The following CSNK1E variants were observed in gnomAD, a reference collection of about 807,000 sequenced individuals.
CSNK1E encodes the protein casein kinase 1 epsilon.
Under a neutral mutation model 46.1 loss-of-function variants are expected in CSNK1E, and 17 were observed. That is an observed-to-expected ratio of 0.37 (90% CI 0.25 to 0.55). The LOEUF is 0.55. Among genes scored for constraint, CSNK1E ranks in the 20% least tolerant of loss-of-function variants. The probability of loss-of-function intolerance (pLI) is 0.82; values close to 1 mark genes in which losing one functional copy is unlikely to be tolerated. For missense variants in CSNK1E, 386 were observed against 595.4 expected (o/e 0.65, Z 3.66); for synonymous variants, 241 against 242.6 (o/e 0.99, Z 0.06).
rs760774783 is a variant in CSNK1E at position 38,294,379 on chromosome 22, G to A, written c.1041C>T (p.Pro347=). The change falls in exon 8 of 11, where the codon CCC becomes CCT. Residue 347 remains proline (P), a synonymous_variant. Transcript: ENST00000396832. The surrounding 1 kb of genome is among the most constrained non-coding windows in gnomAD (Gnocchi z 5.5). ...TANRLRSAAE[P]VASTPASRIQ... ...TGCGGGAGGCTGGCGTGGAAGCCAC[G>A]GGCTCGGCGGCACTGCGGAGCCGGT... 1.4e-5 allele frequency: 22 copies of A among 1,557,010 alleles called. No homozygotes were observed. The highest frequency in any genetic ancestry group is 1.7e-4 in the Middle Eastern group (1 of 5,732).
chr22:38,294,624 G>A lies in CSNK1E; in HGVS notation c.886-90C>T. On this transcript the variant is annotated intron_variant, in intron 7 of 10. Transcript: ENST00000396832. This position sits in a 1 kb window ranked among gnomAD's most constrained non-coding sequence, Gnocchi z 5.5. The stretch of plus-strand genomic sequence containing the variant: ...CCTGCAGGGCACAGAAGGGGAGGGA[G>A]GCCAGGTGGATATCTCAGAAACCTT... 1 of 1,270,026 alleles carries A rather than the reference G, an allele frequency of 7.9e-7. No homozygotes were observed. Among genetic ancestry groups the A allele is most frequent in the Non-Finnish European group, 1.1e-6 (1 of 933,844 alleles). The allele number at this position is 1,270,026 out of a possible 1,614,324, so 78.7% of individuals were successfully genotyped here.
intron 4 of CSNK1E, among the ~76,000 whole-genome samples, chr22:38,302,183 G>A (rs2145837805): frequency 6.6e-6 from 1 of 152,228 alleles, no homozygotes; most frequent in East Asian, 1.9e-4. Flanking sequence ...AGGTCTGTGT[G>A]ACCGACCGCA....
chr22:38,308,397 C>CAT (rs2092707434), intron 2 of CSNK1E, among the ~76,000 whole-genome samples: 1 of 152,102 alleles, frequency 6.6e-6, no homozygotes, highest in Admixed American at 6.5e-5. Flanking sequence ...GGCCATGCTC[C>CAT]ATTTCCCCAT....
At chr22:38,311,548 C>T (rs1408518614) in intron 2 of CSNK1E, among the ~76,000 whole-genome samples, 1 of 152,168 alleles carries the variant, frequency 6.6e-6, no homozygotes, top group Non-Finnish European at 1.5e-5. Context: ...AAGTCTGTGC[C>T]AAGAGCTGTC....
chr22:38,300,112 G>A lies in CSNK1E; in HGVS notation c.566-47C>T. The A allele has an allele frequency of 6.4e-7, 1 of 1,571,638 alleles. No homozygotes were observed. Among genetic ancestry groups the A allele is most frequent in the Non-Finnish European group, 8.7e-7 (1 of 1,149,752 alleles). On this transcript the variant is annotated intron_variant, in intron 5 of 10. Transcript: ENST00000396832. This position sits in a 1 kb window ranked among gnomAD's most constrained non-coding sequence, Gnocchi z 4.4. ...AGGTGAGGGACAGGGGTCCACTCAGGCCCCTAACTCATCCTCTGGGTCATG... is the reference window on the plus strand; with the variant it reads ...AGGTGAGGGACAGGGGTCCACTCAGACCCCTAACTCATCCTCTGGGTCATG...
rs775792943 is a variant in CSNK1E, at chr22:38,299,928, T to C, written c.703A>G (p.Thr235Ala). Residue 235 changes from threonine to alanine, a missense_variant, in exon 6 of 11, where the codon ACG becomes GCG. Physicochemically the swap from Thr to Ala is moderately conservative, Grantham distance 58. Transcript: ENST00000396832. Reference sequence around the variant, plus strand: ...CCTTTGCAGAGGACCTCGATGGGCGTTGACATCTTCTTCTCGCTGATCCGT... The same window carrying C: ...CCTTTGCAGAGGACCTCGATGGGCGCTGACATCTTCTTCTCGCTGATCCGT... ...YERISEKKMSTPIEVLCKGYP... is the reference protein window; with the variant it reads ...YERISEKKMSAPIEVLCKGYP... The C allele has an allele frequency of 7.4e-6, 12 of 1,614,016 alleles. No individual in the cohort carries two copies. The highest frequency in any genetic ancestry group is 3.3e-5 in the Admixed American group (2 of 59,998).
At chr22:38,297,237 T>C in intron 7 of CSNK1E, 2 of 724,176 alleles carry the variant, frequency 2.8e-6, no homozygotes, top group Non-Finnish European at 5.1e-6. Flanking sequence ...GGAGTGACTA[T>C]CTCGATAAGA....
chr22:38,299,009 C>T (rs1012866298), intron 6 of CSNK1E, 75 bp from the exon 7 acceptor site: 2 of 1,536,270 alleles, frequency 1.3e-6, no homozygotes, highest in Admixed American at 1.7e-5. Context: ...CCAGCACTGT[C>T]CTAGCCACCC....
rs766439460 is a variant in CSNK1E at position 38,298,979 on chromosome 22, C to A, written c.737-45G>T. The A allele has an allele frequency of 2.5e-6, 4 of 1,609,288 alleles. No individual in the cohort carries two copies. The highest frequency in any genetic ancestry group is 1.7e-4 in the Middle Eastern group (1 of 6,048). Reference sequence around the variant, plus strand: ...ATAGAGAAGGCCACTGTGAGGCCCACGCTCCCAGACCCCCTGCAGCCAGCA... The same window carrying A: ...ATAGAGAAGGCCACTGTGAGGCCCAAGCTCCCAGACCCCCTGCAGCCAGCA... On this transcript the variant is annotated intron_variant, in intron 6 of 10. Coordinates refer to ENST00000396832, the MANE Select transcript of CSNK1E (RefSeq NM_152221.3). This position sits in a 1 kb window ranked among gnomAD's most constrained non-coding sequence, Gnocchi z 4.2.
At chr22:38,299,649 G>T (rs2092660369) in intron 6 of CSNK1E, among the ~76,000 whole-genome samples, 1 of 152,236 alleles carries the variant, frequency 6.6e-6, no homozygotes, top group South Asian at 2.1e-4. Context: ...TCAGCCTCCT[G>T]AGTAGCTGGG....
rs1437706160 is a variant in CSNK1E, at chr22:38,299,951, C to T, written c.680G>A (p.Arg227Gln). The change falls in exon 6 of 11, where the codon CGG becomes CAG. Residue 227 changes from arginine to glutamine, a missense_variant. By Grantham distance (43) the Arg-to-Gln change is conservative (BLOSUM62 1). Transcript: ENST00000396832. Reference protein sequence around the residue: ...KAATKRQKYERISEKKMSTPI... With the variant: ...KAATKRQKYEQISEKKMSTPI... Reference sequence around the variant, plus strand: ...CGTTGACATCTTCTTCTCGCTGATCCGTTCATACTTCTGGCGCTTGGTGGC... The same window carrying T: ...CGTTGACATCTTCTTCTCGCTGATCTGTTCATACTTCTGGCGCTTGGTGGC... 5 of 1,614,206 alleles carry T rather than the reference C, an allele frequency of 3.1e-6. No homozygotes were observed. The highest frequency in any genetic ancestry group is 2.5e-6 in the Non-Finnish European group (3 of 1,180,030).
At chr22:38,310,049 C>A (rs2092714268) in intron 2 of CSNK1E, among the ~76,000 whole-genome samples, 1 of 152,204 alleles carries the variant, frequency 6.6e-6, no homozygotes, top group Non-Finnish European at 1.5e-5. Flanking sequence ...TAAGGTCTGA[C>A]AGAACTGGAT....
intron 7 of CSNK1E, among the ~76,000 whole-genome samples, chr22:38,295,812 C>G (rs1602541891): frequency 6.6e-6 from 1 of 152,320 alleles, no homozygotes; most frequent in East Asian, 1.9e-4. Flanking sequence ...AGAAGCCTCT[C>G]AGGCAGGCCT....
In CSNK1E at chr22:38,294,146, G is replaced by C; in HGVS notation, c.1181C>G (p.Thr394Ser). 2 of 1,611,678 alleles carry C rather than the reference G, an allele frequency of 1.2e-6. No homozygotes were observed. The highest frequency in any genetic ancestry group is 1.7e-6 in the Non-Finnish European group (2 of 1,179,650). The change falls in exon 9 of 11, where the codon ACT becomes AGT. Residue 394 changes from threonine (T) to serine (S), a missense_variant. Physicochemically the swap from Thr to Ser is moderately conservative, Grantham distance 58. Coordinates refer to ENST00000396832, the MANE Select transcript of CSNK1E (RefSeq NM_152221.3). The surrounding 1 kb of genome is among the most constrained non-coding windows in gnomAD (Gnocchi z 5.5). ...APANVSSSDL[T>S]GRQEVSRIPA... ...GATCCGGGAGACCTCTTGCCGCCCAGTGAGGTCTGAGGAGGAGACGTTGGC... is the reference window on the plus strand; with the variant it reads ...GATCCGGGAGACCTCTTGCCGCCCACTGAGGTCTGAGGAGGAGACGTTGGC...
At position 38,300,197 on chromosome 22, in the gene CSNK1E, T is replaced by C; in HGVS notation, c.566-132A>G. The C allele has an allele frequency of 1.3e-6, 1 of 766,198 alleles. No homozygotes were observed. Among genetic ancestry groups the C allele is most frequent in the East Asian group, 2.7e-5 (1 of 36,826 alleles). The allele number at this position is 766,198 out of a possible 1,614,324, so 47.5% of individuals were successfully genotyped here. On this transcript the variant is annotated intron_variant, in intron 5 of 10. Transcript: ENST00000396832. This position sits in a 1 kb window ranked among gnomAD's most constrained non-coding sequence, Gnocchi z 4.4. ...CGTCGGATGTTGCTCACTGCACGCA[T>C]TTTAAACAGGCACTGCTATTATCCT...
chr22:38,313,912 G>C (rs2036013839), intron 2 of CSNK1E, among the ~76,000 whole-genome samples, 170 bp downstream of exon 2: 1 of 152,144 alleles, frequency 6.6e-6, no homozygotes, highest in South Asian at 2.1e-4. Flanking sequence ...GGAGCCCCCT[G>C]GCCTGCCTCC....
chr22:38,306,338 T>C (rs1037802521), intron 2 of CSNK1E, among the ~76,000 whole-genome samples: 1 of 152,238 alleles, frequency 6.6e-6, no homozygotes, highest in African/African-American at 2.4e-5. Flanking sequence ...AACACCTTTA[T>C]TGAGATGTAA....
intron 4 of CSNK1E, 50 bp from the exon 5 acceptor site, chr22:38,301,002 C>T: frequency 6.6e-7 from 1 of 1,523,402 alleles, no homozygotes. Context: ...TTGCCTAGCA[C>T]TCTGGGCCAG....
In CSNK1E at chr22:38,300,854, G is replaced by A. The variant is rs768960580; in HGVS notation, c.435C>T (p.Val145=). 3.7e-6 allele frequency: 6 copies of A among 1,614,138 alleles called. No individual in the cohort carries two copies. In the African/African-American group the frequency reaches 8.0e-5, roughly 22 times the overall value. The change falls in exon 5 of 11, where the codon GTC becomes GTT. Residue 145 remains valine, a synonymous_variant. Coordinates refer to ENST00000396832, the MANE Select transcript of CSNK1E (RefSeq NM_152221.3). This position sits in a 1 kb window ranked among gnomAD's most constrained non-coding sequence, Gnocchi z 4.4. The part of the protein sequence containing the change: ...LMGLGKKGNL[V]YIIDFGLAKK... The stretch of plus-strand genomic sequence containing the variant: ...TGGCCAGGCCGAAGTCGATGATGTA[G>A]ACCAGGTTGCCCTTCTTCCCCAGCC...
Sources: gnomAD v4.1 joint callset for allele counts (sites outside exome capture counted in the v4.1 genomes callset) on GRCh38, gnomAD v4.1.1 for gene constraint, Gnocchi (gnomAD v3.1) non-coding constraint, MANE v1.5 for transcripts, NCBI Gene and HGNC (gene_info 2026-07-23, HGNC 2026-07-21) for gene names.